ROCK2: variants seen among roughly 807,000 people sequenced by gnomAD.
The protein encoded by ROCK2 is Rho associated coiled-coil containing protein kinase 2.
ROCK2 carries 61 observed loss-of-function variants against 195.1 expected under a neutral mutation model. The ratio of observed to expected loss-of-function variants is 0.31; its 90% CI spans 0.25 to 0.39. ROCK2 has a LOEUF of 0.39. Ranked by LOEUF, ROCK2 falls within the 10% of genes least tolerant of loss-of-function variation. The pLI is 1.00. For synonymous variants in ROCK2, 504 were observed against 545.5 expected (o/e 0.92, Z 1.06); for missense variants, 1,109 against 1,637.4 (o/e 0.68, Z 5.57).
In ROCK2 at chr2:11,219,391, G is replaced by C. The variant is rs1436833118; in HGVS notation, c.1260-365C>G. 4.7e-5 allele frequency among the ~76,000 whole-genome samples: 7 copies of C among 147,378 alleles called. No homozygotes were observed. In the East Asian group the frequency reaches 1.4e-3, roughly 30 times the overall value. On this transcript the variant is annotated intron_variant, in intron 9 of 32. Coordinates refer to ENST00000315872, the MANE Select transcript of ROCK2 (RefSeq NM_004850.5). ...CCGGGCATGGTGGTGGACACCTGTA[G>C]TACCAGCTACTCGGGAGGCTGAGGC...
At position 11,221,199 on chromosome 2, in the gene ROCK2, A is replaced by T. The variant is rs757646214; in HGVS notation, c.1258T>A (p.Leu420Ile). The change falls in exon 9 of 33, where the codon TTA becomes ATA. Residue 420 changes from leucine (L) to isoleucine (I), a missense_variant and splice_region_variant. This residue lies in a region of ROCK2 where 542 missense variants were observed against 672.0 expected (regional missense o/e 0.81). Coordinates refer to ENST00000315872, the MANE Select transcript of ROCK2 (RefSeq NM_004850.5). ...TTTAACAAATAATAAACCACATACA[A>T]ATTTTCTCTATAGTAGGTAAATCCG... ...FIGFTYYREN[L>I]LLSDSPSCRE... The T allele has an allele frequency of 6.5e-7, 1 of 1,545,666 alleles. No homozygotes were observed. Among genetic ancestry groups the T allele is most frequent in the Admixed American group, 2.2e-5 (1 of 45,306 alleles).
At chr2:11,239,842 C>A (rs879264132) in intron 4 of ROCK2, among the ~76,000 whole-genome samples, 1 of 152,194 alleles carries the variant, frequency 6.6e-6, no homozygotes, top group Non-Finnish European at 1.5e-5. Flanking sequence ...TTTGGACTTA[C>A]TGGCTACAAA....
intron 1 of ROCK2, chr2:11,308,565 G>C: frequency 6.6e-7 from 1 of 1,517,002 alleles, no homozygotes. Context: ...AAAGATGCTG[G>C]GCAGTGCATC....
chr2:11,264,812 A>G (rs774838382), intron 3 of ROCK2, among the ~76,000 whole-genome samples: 1 of 152,206 alleles, frequency 6.6e-6, no homozygotes, highest in Non-Finnish European at 1.5e-5. Context: ...TAAAGAAAAA[A>G]TCCTTTCAAG....
At chr2:11,225,914 C>T (rs560336644) in intron 6 of ROCK2, among the ~76,000 whole-genome samples, 1 of 152,196 alleles carries the variant, frequency 6.6e-6, no homozygotes, top group Admixed American at 6.5e-5. Flanking sequence ...ATACACAAGA[C>T]AGTCATCAAG....
At chr2:11,292,424 G>A (rs541614643) in intron 1 of ROCK2, among the ~76,000 whole-genome samples, 1 of 152,220 alleles carries the variant, frequency 6.6e-6, no homozygotes, top group Non-Finnish European at 1.5e-5. Context: ...AGAAACTGAA[G>A]CTTAAAGGTT....
chr2:11,201,429 C>G lies in ROCK2; in HGVS notation c.2620-16G>C. ...TATAAAGGGTCTAAATAGCAAAATA[C>G]AACAGAAATGCGTATCATCATCAGA... On this transcript the variant is annotated splice_polypyrimidine_tract_variant and intron_variant, in intron 21 of 32. Transcript: ENST00000315872. The surrounding 1 kb of genome is among the most constrained non-coding windows in gnomAD (Gnocchi z 4.6). The G allele has an allele frequency of 7.7e-7, 1 of 1,295,090 alleles. No individual in the cohort carries two copies. The allele number at this position is 1,295,090 out of a possible 1,614,324, so 80.2% of individuals were successfully genotyped here.
intron 1 of ROCK2, among the ~76,000 whole-genome samples, chr2:11,327,871 G>A (rs556054103): frequency 2.0e-5 from 3 of 152,288 alleles, no homozygotes; most frequent in South Asian, 2.1e-4. Context: ...CCAACTGTCC[G>A]TTTTTAAAGG....
Position 11,192,189 on chromosome 2 carries a change from A to G in ROCK2, c.4122T>C (p.Ser1374=). 1 of 1,613,310 alleles carries G rather than the reference A, an allele frequency of 6.2e-7. No individual in the cohort carries two copies. The highest frequency in any genetic ancestry group is 2.2e-5 in the East Asian group (1 of 44,826). Reference sequence around the variant, plus strand: ...CAAGCTGTCGACTTGGCCGTCTAATAGACTGGTTTTGCTGTATCTTCATTG... The same window carrying G: ...CAAGCTGTCGACTTGGCCGTCTAATGGACTGGTTTTGCTGTATCTTCATTG... The part of the protein sequence containing the change: ...RTSMKIQQNQ[S]IRRPSRQLAP... The change falls in exon 32 of 33, where the codon TCT becomes TCC. Residue 1374 remains serine (S), a synonymous_variant. Coordinates refer to ENST00000315872, the MANE Select transcript of ROCK2 (RefSeq NM_004850.5). The surrounding 1 kb of genome is among the most constrained non-coding windows in gnomAD (Gnocchi z 5.0).
intron 1 of ROCK2, among the ~76,000 whole-genome samples, chr2:11,317,610 A>ATT (rs1300312547): frequency 1.3e-3 from 21 of 16,800 alleles, no homozygotes; most frequent in South Asian, 2.3e-3. Context: ...ATATATATAT[A>ATT]TATTTTTTTT....
chr2:11,293,074 CTCT>C (rs1667410366), intron 1 of ROCK2, among the ~76,000 whole-genome samples: 1 of 152,198 alleles, frequency 6.6e-6, no homozygotes, highest in African/African-American at 2.4e-5. Flanking sequence ...TCAGTTAAAC[CTCT>C]TTTCTTTATA....
At chr2:11,283,655 T>A (rs1558358172) in intron 3 of ROCK2, among the ~76,000 whole-genome samples, 1 of 150,882 alleles carries the variant, frequency 6.6e-6, no homozygotes. Context: ...ATGTTCCACA[T>A]CATATGTCAT....
intron 1 of ROCK2, among the ~76,000 whole-genome samples, chr2:11,338,289 G>A (rs1396002500): frequency 6.6e-6 from 1 of 152,142 alleles, no homozygotes; most frequent in African/African-American, 2.4e-5. Context: ...GAAGGTTATA[G>A]TGCGCTATGA....
chr2:11,235,962 G>T lies in ROCK2; in HGVS notation c.463C>A (p.Leu155Ile). ...CTATCATCTTGAAAGGCATAAAAAA[G>T]CTGGAAAACAAAAGGAAAAGGAAAA... ...AFANSPWVVQLFYAFQDDRYL... is the reference protein window; with the variant it reads ...AFANSPWVVQIFYAFQDDRYL... Residue 155 changes from leucine (L) to isoleucine (I), a missense_variant and splice_region_variant, in exon 5 of 33, where the codon CTT becomes ATT. Physicochemically the swap from Leu to Ile is conservative, Grantham distance 5. Transcript: ENST00000315872. This position sits in a 1 kb window ranked among gnomAD's most constrained non-coding sequence, Gnocchi z 4.2. 1 of 1,403,204 alleles carries T rather than the reference G, an allele frequency of 7.1e-7. No homozygotes were observed. The allele number at this position is 1,403,204 out of a possible 1,614,324, so 86.9% of individuals were successfully genotyped here.
chr2:11,184,689 A>G, intron 32 of ROCK2: 1 of 984,548 alleles, frequency 1.0e-6, no homozygotes, highest in Non-Finnish European at 1.2e-6. Context: ...TCAGAAATCA[A>G]AAACATCGTC....
At chr2:11,218,380 T>C in intron 11 of ROCK2, 75 bp downstream of exon 11, 2 of 1,142,454 alleles carry the variant, frequency 1.8e-6, no homozygotes, top group South Asian at 3.0e-5. Flanking sequence ...CTAGGTAGGA[T>C]ATGACTATAT....
intron 3 of ROCK2, among the ~76,000 whole-genome samples, chr2:11,266,677 C>T (rs573273323): frequency 5.3e-5 from 8 of 152,230 alleles, no homozygotes; most frequent in Admixed American, 5.2e-4. Flanking sequence ...CACACATATC[C>T]GCCATACTAA....
At chr2:11,273,628 A>G (rs1050678798) in intron 3 of ROCK2, among the ~76,000 whole-genome samples, 1 of 152,194 alleles carries the variant, frequency 6.6e-6, no homozygotes, top group Non-Finnish European at 1.5e-5. Context: ...ACTTAACACA[A>G]TAAACTAACT....
intron 1 of ROCK2, among the ~76,000 whole-genome samples, chr2:11,298,815 A>G (rs1178667774): frequency 6.6e-6 from 1 of 152,188 alleles, no homozygotes; most frequent in East Asian, 1.9e-4. Context: ...GAGTGAGAAG[A>G]GGAGAGCTGC....
Sources: allele counts gnomAD v4.1 joint callset (sites outside exome capture counted in the v4.1 genomes callset), GRCh38; gene constraint gnomAD v4.1.1; regional missense constraint gnomAD v4.1.1; non-coding constraint Gnocchi (gnomAD v3.1); transcripts MANE v1.5; gene names NCBI Gene and HGNC (gene_info 2026-07-23, HGNC 2026-07-21).